The following ATG7 variants were observed in gnomAD, a reference collection of about 807,000 sequenced individuals.
The protein encoded by ATG7 is autophagy related 7.
Under a neutral mutation model 82.4 loss-of-function variants are expected in ATG7, and 70 were observed. The ratio of observed to expected loss-of-function variants is 0.85; its 90% CI spans 0.70 to 1.04. The LOEUF (loss-of-function observed/expected upper bound fraction) is 1.04. ATG7 is among the 50% of genes least tolerant of loss of function. The probability of loss-of-function intolerance (pLI) is 0.00; values close to 1 mark genes in which losing one functional copy is unlikely to be tolerated. For missense variants in ATG7, 792 were observed against 864.3 expected (o/e 0.92, Z 1.05); for synonymous variants, 287 against 313.0 (o/e 0.92, Z 0.88).
chr3:11,564,405 AC>A, the ATG7 span, among the ~76,000 whole-genome samples: 1,685 of 151,210 alleles, frequency 0.011, 30 homozygotes, highest in African/African-American at 0.038. Context: ...GAAACGTAGG[AC>A]CCCCCCACCC....
intron 9 of ATG7, among the ~76,000 whole-genome samples, chr3:11,316,688 C>A (rs998733382): frequency 2.0e-5 from 3 of 152,120 alleles, no homozygotes; most frequent in African/African-American, 7.2e-5. Flanking sequence ...GTCTGAGGCC[C>A]TCAATAAAAT....
intron 3 of ATG7, among the ~76,000 whole-genome samples, chr3:11,284,391 A>G (rs565189357): frequency 6.6e-6 from 1 of 152,302 alleles, no homozygotes. Flanking sequence ...AGAAAACTTT[A>G]TGGAAATGAT....
At chr3:11,429,097 T>C (rs535000955) in intron 20 of ATG7, among the ~76,000 whole-genome samples, 1 of 152,344 alleles carries the variant, frequency 6.6e-6, no homozygotes, top group South Asian at 2.1e-4. Context: ...AATTTTAGAT[T>C]AGAGATGGTA....
In ATG7 at chr3:11,342,187, G is replaced by T; in HGVS notation, c.1033G>T (p.Val345Phe). The change falls in exon 13 of 21, where the codon GTT becomes TTT. Residue 345 changes from valine (V) to phenylalanine (F), a missense_variant. Coordinates refer to ENST00000693202, the MANE Select transcript of ATG7 (RefSeq NM_001349232.2). ...TCTCAAACTGATGTGTTGGAGATTG[G>T]TTCCTACTTTAGACTTGGACAAGGT... Reference protein sequence around the residue: ...LNLKLMCWRLVPTLDLDKVVS... With the variant: ...LNLKLMCWRLFPTLDLDKVVS... The T allele has an allele frequency of 6.2e-7, 1 of 1,613,388 alleles. No homozygotes were observed. The highest frequency in any genetic ancestry group is 8.5e-7 in the Non-Finnish European group (1 of 1,179,954).
intron 20 of ATG7, among the ~76,000 whole-genome samples, chr3:11,490,849 C>T (rs914624329): frequency 5.5e-4 from 84 of 152,276 alleles, no homozygotes; most frequent in African/African-American, 1.9e-3. Context: ...CAGCTGTTAG[C>T]CTGATGGGCT....
chr3:11,447,289 C>A (rs1260528380), intron 20 of ATG7, among the ~76,000 whole-genome samples: 1 of 151,926 alleles, frequency 6.6e-6, no homozygotes, highest in Non-Finnish European at 1.5e-5. Flanking sequence ...CATGGTGAAA[C>A]CCCATCTCTA....
At chr3:11,401,181 TC>T (rs998653463) in intron 19 of ATG7, among the ~76,000 whole-genome samples, 1 of 152,198 alleles carries the variant, frequency 6.6e-6, no homozygotes, top group African/African-American at 2.4e-5. Context: ...CCCAGCTACT[TC>T]TGTTTTAACA....
chr3:11,414,780 A>G (rs560933904), intron 19 of ATG7, among the ~76,000 whole-genome samples: 27 of 152,284 alleles, frequency 1.8e-4, no homozygotes, highest in African/African-American at 3.4e-4. Flanking sequence ...TGACTGTTCA[A>G]TTTTGTAAAA....
chr3:11,352,469 C>G (rs1031500597), intron 14 of ATG7, among the ~76,000 whole-genome samples: 1 of 152,222 alleles, frequency 6.6e-6, no homozygotes, highest in Non-Finnish European at 1.5e-5. Flanking sequence ...GTCCCACCAA[C>G]AGTGTAAAAG....
chr3:11,410,437 T>C (rs766134935), intron 19 of ATG7, among the ~76,000 whole-genome samples: 2 of 152,234 alleles, frequency 1.3e-5, no homozygotes, highest in Non-Finnish European at 2.9e-5. Flanking sequence ...TTTTATGTGA[T>C]AGAATACATA....
At position 11,498,267 on chromosome 3, in the gene ATG7, C is replaced by T. The variant is rs183974675; in HGVS notation, c.2080-56544C>T. Among the ~76,000 whole-genome samples, 208 of 152,210 alleles carry T rather than the reference C, an allele frequency of 1.4e-3. 4 individuals are homozygous for T. Among genetic ancestry groups the T allele is most frequent in the Admixed American group, 0.011 (170 of 15,280 alleles). On this transcript the variant is annotated intron_variant, in intron 20 of 20. Transcript: ENST00000693202. ...TTCCAGTGTGCCCCTATTAGAATTC[C>T]AAAACAGCAATCTTCCCAGCACAAT...
intron 20 of ATG7, among the ~76,000 whole-genome samples, chr3:11,430,317 A>AT (rs1489371865): frequency 1.3e-5 from 2 of 152,174 alleles, no homozygotes; most frequent in Non-Finnish European, 2.9e-5. Flanking sequence ...AAATATATAA[A>AT]TATATGTTAA....
At chr3:11,467,990 T>C (rs937543992) in intron 20 of ATG7, among the ~76,000 whole-genome samples, 4 of 152,192 alleles carry the variant, frequency 2.6e-5, no homozygotes, top group Admixed American at 1.3e-4. Context: ...TTGTTTTGCG[T>C]TTGGAAATAC....
At chr3:11,557,959 A>C (rs1364799141), downstream of ATG7, 2 of 153,998 alleles carry the variant, frequency 1.3e-5, no homozygotes, top group Non-Finnish European at 2.9e-5. Flanking sequence ...AACAACAACA[A>C]ACACACAAAT....
At chr3:11,514,428 C>T (rs2092198643) in intron 20 of ATG7, among the ~76,000 whole-genome samples, 1 of 152,228 alleles carries the variant, frequency 6.6e-6, no homozygotes, top group Admixed American at 6.5e-5. Context: ...GACTCATTCC[C>T]CTCTGCAGAA....
intron 14 of ATG7, among the ~76,000 whole-genome samples, chr3:11,351,658 TC>T (rs2075556074): frequency 6.6e-6 from 1 of 152,070 alleles, no homozygotes; most frequent in African/African-American, 2.4e-5. Flanking sequence ...GACTATTAAG[TC>T]CCCCAGGCCA....
chr3:11,476,079 T>C (rs1302319645), intron 20 of ATG7, among the ~76,000 whole-genome samples: 1 of 152,158 alleles, frequency 6.6e-6, no homozygotes, highest in Non-Finnish European at 1.5e-5. Context: ...GACTAGGGTG[T>C]TTATGTGTGC....
chr3:11,573,020 G>A, the ATG7 span, among the ~76,000 whole-genome samples: 1 of 151,760 alleles, frequency 6.6e-6, no homozygotes, highest in Admixed American at 6.6e-5. Context: ...ACAAAAATTA[G>A]CTGGGCTTGG....
At chr3:11,378,443 GA>G (rs1300370423) in intron 18 of ATG7, among the ~76,000 whole-genome samples, 3 of 151,196 alleles carry the variant, frequency 2.0e-5, no homozygotes, top group African/African-American at 7.3e-5. Context: ...AGCACTTTGG[GA>G]GGCTGAGGCA....
Sources: allele counts gnomAD v4.1 joint callset (sites outside exome capture counted in the v4.1 genomes callset), GRCh38; gene constraint gnomAD v4.1.1; transcripts MANE v1.5; gene names NCBI Gene and HGNC (gene_info 2026-07-23, HGNC 2026-07-21).